The following IFT172 variants were observed in gnomAD, a reference collection of about 807,000 sequenced individuals.
The protein encoded by IFT172 is intraflagellar transport 172, also known as intraflagellar transport protein 172 homolog.
IFT172 carries 164 observed loss-of-function variants against 248.9 expected under a neutral mutation model. That is an observed-to-expected ratio of 0.66 (90% CI 0.58 to 0.75). The LOEUF (loss-of-function observed/expected upper bound fraction) is 0.75, where lower values mean the gene tolerates loss of function less well. Ranked by LOEUF, IFT172 falls within the 30% of genes least tolerant of loss-of-function variation. The pLI, the probability that IFT172 is intolerant of heterozygous loss-of-function variation, is 0.00. For synonymous variants in IFT172, 729 were observed against 791.6 expected, an observed-to-expected ratio of 0.92 and a Z score of 1.33; for missense variants, 1,950 against 2,192.4, an observed-to-expected ratio of 0.89 and a Z score of 2.21.
intron 12 of IFT172, 81 bp from the exon 13 acceptor site, chr2:27,477,401 T>C (rs1435089331): frequency 5.3e-6 from 7 of 1,317,932 alleles, no homozygotes; most frequent in Non-Finnish European, 7.7e-6. Flanking sequence ...CAGTTCAAGG[T>C]GACTACCACT....
intron 3 of IFT172, among the ~76,000 whole-genome samples, chr2:27,484,810 T>C (rs1014963055): frequency 3.3e-5 from 5 of 152,164 alleles, no homozygotes; most frequent in Non-Finnish European, 7.3e-5. Context: ...GGGCCTCCTG[T>C]TGACCTTGGA....
At chr2:27,476,387 C>T (rs1667953827) in intron 14 of IFT172, among the ~76,000 whole-genome samples, 1 of 152,148 alleles carries the variant, frequency 6.6e-6, no homozygotes, top group South Asian at 2.1e-4. Flanking sequence ...CCTGCCTTGC[C>T]CTTTCAAAGT....
intron 18 of IFT172, chr2:27,465,087 A>C: frequency 4.0e-6 from 1 of 250,966 alleles, no homozygotes; most frequent in Non-Finnish European, 7.8e-6. Context: ...ACGCCTGGCT[A>C]ATTTTTGTAT....
chr2:27,449,354 A>T lies in IFT172; in HGVS notation c.4251T>A (p.Ala1417=). Residue 1417 remains alanine (A), a synonymous_variant, in exon 39 of 48, where the codon GCT becomes GCA. Transcript: ENST00000260570. The stretch of plus-strand genomic sequence containing the variant: ...GGCCCTGCTCCACATACAGGTCCAA[A>T]GCAGCTATCACATCCACACCCACCA... ...DSLVGVDVIA[A]LDLYVEQGQW... 6.2e-7 allele frequency: 1 copy of T among 1,614,196 alleles called. No homozygotes were observed. The highest frequency in any genetic ancestry group is 1.6e-4 in the Middle Eastern group (1 of 6,062).
rs1334330435 is a variant in IFT172, at chr2:27,484,591, A to AAAAT, written c.297-329_297-326dup. 8.5e-5 allele frequency among the ~76,000 whole-genome samples: 13 copies of AAAAT among 152,252 alleles called. No homozygotes were observed. The East Asian group carries it at 9.6e-4, about 11-fold the overall frequency. ...GGGTGACAGAGTGAGACTCTATCTC[A>AAAAT]AAATAAATAAATAAATAAATACCAC... On this transcript the variant is annotated intron_variant, in intron 3 of 47. Transcript: ENST00000260570.
Position 27,445,869 on chromosome 2 carries a change from C to T in IFT172, c.4816-26G>A. On this transcript the variant is annotated intron_variant, in intron 44 of 47. Transcript: ENST00000260570. This position sits in a 1 kb window ranked among gnomAD's most constrained non-coding sequence, Gnocchi z 4.4. ...CTGCAGTAGAGTGGGCAACCATGAA[C>T]TAGGCACAGCTCGCGACTGGCAAAA... is the stretch of plus-strand genomic sequence containing the variant. The T allele has an allele frequency of 6.2e-7, 1 of 1,614,202 alleles. No individual in the cohort carries two copies. The highest frequency in any genetic ancestry group is 8.5e-7 in the Non-Finnish European group (1 of 1,180,026).
At chr2:27,480,991 CAG>C (rs1668310914) in intron 8 of IFT172, 53 bp downstream of exon 8, 4 of 1,412,972 alleles carry the variant, frequency 2.8e-6, no homozygotes, top group Non-Finnish European at 4.0e-6. Flanking sequence ...TTGGCTAAAG[CAG>C]AGAGTGTTCG....
chr2:27,455,921 AAG>A (rs1666116355), intron 30 of IFT172: 1 of 312,534 alleles, frequency 3.2e-6, no homozygotes, highest in South Asian at 2.8e-5. Context: ...TCCAAAAAAA[AAG>A]AAAAGTTCGG....
Position 27,445,288 on chromosome 2 carries a change from T to C in IFT172, c.5068+8A>G. ...CCACAGGATCTGGGGTGCTGTAGGCTTCTATACCTGTAATAAGGCAGGGCA... is the reference window on the plus strand; with the variant it reads ...CCACAGGATCTGGGGTGCTGTAGGCCTCTATACCTGTAATAAGGCAGGGCA... On this transcript the variant is annotated splice_region_variant and intron_variant, in intron 46 of 47. Transcript: ENST00000260570. The surrounding 1 kb of genome is among the most constrained non-coding windows in gnomAD (Gnocchi z 4.4). The C allele has an allele frequency of 6.2e-7, 1 of 1,610,122 alleles. No individual in the cohort carries two copies. Among genetic ancestry groups the C allele is most frequent in the Non-Finnish European group, 8.5e-7 (1 of 1,177,670 alleles).
Position 27,449,678 on chromosome 2 carries a change from G to T in IFT172, c.4160+13C>A. On this transcript the variant is annotated intron_variant, in intron 37 of 47. Coordinates refer to ENST00000260570, the MANE Select transcript of IFT172 (RefSeq NM_015662.3). ...AAAGAGAATTTCGCAGTAAGAAGGG[G>T]TTACAAGCTTACCTGGGATCTAACT... 1 of 1,609,780 alleles carries T rather than the reference G, an allele frequency of 6.2e-7. No individual in the cohort carries two copies. Among genetic ancestry groups the T allele is most frequent in the Non-Finnish European group, 8.5e-7 (1 of 1,176,458 alleles).
At chr2:27,461,866 C>A in intron 20 of IFT172, 30 bp from the exon 21 acceptor site, 1 of 1,612,928 alleles carries the variant, frequency 6.2e-7, no homozygotes, top group Non-Finnish European at 8.5e-7. Context: ...CAGAGAGGGA[C>A]ACCAGAAAGA....
intron 1 of IFT172, 150 bp downstream of exon 1, chr2:27,489,465 C>T: frequency 1.6e-6 from 1 of 608,016 alleles, no homozygotes; most frequent in Non-Finnish European, 3.0e-6. Context: ...GCCTCCTGGA[C>T]GCTGTATCGA....
intron 25 of IFT172, 119 bp downstream of exon 25, chr2:27,459,259 T>C (rs1222011095): frequency 4.7e-6 from 6 of 1,270,766 alleles, no homozygotes; most frequent in Non-Finnish European, 6.5e-6. Context: ...AAGGTGATGA[T>C]GCTGTTTGGA....
intron 35 of IFT172, 26 bp downstream of exon 35, chr2:27,453,358 G>A: frequency 3.1e-6 from 5 of 1,595,118 alleles, no homozygotes; most frequent in Non-Finnish European, 4.3e-6. Flanking sequence ...GGAGAAGGAG[G>A]GCCAGAAAGG....
At position 27,447,823 on chromosome 2, in the gene IFT172, G is replaced by A. The variant is rs771807883; in HGVS notation, c.4528C>T (p.Leu1510Phe). ...TTTCGCTTCCTCACCAGGTTGAAGA[G>A]GACATCTCGAAGATCAGCCCAGCTA... ...YHSWADLRDV[L>F]FNLCENLVKS... The change falls in exon 41 of 48, where the codon CTC (leucine) becomes TTC (phenylalanine). Residue 1510 changes from leucine (L) to phenylalanine (F), a missense_variant. By Grantham distance (22) the Leu-to-Phe change is conservative. Coordinates refer to ENST00000260570, the MANE Select transcript of IFT172 (RefSeq NM_015662.3). The A allele has an allele frequency of 6.2e-7, 1 of 1,612,042 alleles. No homozygotes were observed. Among genetic ancestry groups the A allele is most frequent in the Non-Finnish European group, 8.5e-7 (1 of 1,178,016 alleles).
In IFT172 at chr2:27,481,108, C is replaced by T; in HGVS notation, c.723G>A (p.Arg241=). ...TFDYSRDPQE[R]EFTTAVSSPG... ...GACTTGATACAGCTGTGGTGAACTC[C>T]CGCTCCTGAGGGTCACGGCTATAAT... Residue 241 remains arginine (R), a synonymous_variant, in exon 8 of 48, where the codon CGG becomes CGA. Coordinates refer to ENST00000260570, the MANE Select transcript of IFT172 (RefSeq NM_015662.3). 1.2e-6 allele frequency: 2 copies of T among 1,614,058 alleles called. No individual in the cohort carries two copies. The highest frequency in any genetic ancestry group is 1.3e-5 in the African/African-American group (1 of 75,004).
chr2:27,488,388 A>AC, intron 1 of IFT172, among the ~76,000 whole-genome samples: 1 of 121,534 alleles, frequency 8.2e-6, no homozygotes. Flanking sequence ...TCCTGACCTC[A>AC]GGTGATCCGC....
intron 12 of IFT172, 39 bp from the exon 13 acceptor site, chr2:27,477,359 A>C: frequency 3.8e-6 from 6 of 1,569,754 alleles, no homozygotes; most frequent in Non-Finnish European, 5.3e-6. Context: ...GAAAGGCTAC[A>C]TGAAGAAAAA....
intron 16 of IFT172, among the ~76,000 whole-genome samples, chr2:27,469,085 T>C (rs1045187238): frequency 1.3e-5 from 2 of 152,132 alleles, no homozygotes; most frequent in Non-Finnish European, 2.9e-5. Flanking sequence ...AAATTTATCA[T>C]CTTTCACTAA....
Sources: allele counts gnomAD v4.1 joint callset (sites outside exome capture counted in the v4.1 genomes callset), GRCh38; gene constraint gnomAD v4.1.1; non-coding constraint Gnocchi (gnomAD v3.1); transcripts MANE v1.5; gene names NCBI Gene and HGNC (gene_info 2026-07-23, HGNC 2026-07-21).